The following PEX13 variants were observed in gnomAD, a reference collection of about 807,000 sequenced individuals.
PEX13 encodes peroxisome biogenesis factor 13.
Under a neutral mutation model 34.5 loss-of-function variants are expected in PEX13, and 28 were observed. That is an observed-to-expected ratio of 0.81 (90% CI 0.60 to 1.11). PEX13 has a LOEUF of 1.11. Among genes scored for constraint, PEX13 ranks in the 50% most tolerant of loss-of-function variants. The pLI is 0.00. For missense variants in PEX13, 550 were observed against 491.0 expected (o/e 1.12, Z -1.13); for synonymous variants, 177 against 175.1 (o/e 1.01, Z -0.09).
At chr2:61,017,911 G>A (rs529814036) in intron 1 of PEX13, 60 bp downstream of exon 1, 32 of 1,502,952 alleles carry the variant, frequency 2.1e-5, no homozygotes, top group Non-Finnish European at 2.9e-5. Context: ...CTTGGCAGGA[G>A]GCGGTTGTAG....
intron 2 of PEX13, among the ~76,000 whole-genome samples, chr2:61,042,192 T>G (rs1680636149): frequency 1.3e-5 from 2 of 152,240 alleles, no homozygotes; most frequent in African/African-American, 4.8e-5. Context: ...AAAGTTGTAT[T>G]GGAGCACAGC....
chr2:61,029,633 A>T (rs1342485254), intron 1 of PEX13, among the ~76,000 whole-genome samples: 7 of 152,156 alleles, frequency 4.6e-5, no homozygotes, highest in Admixed American at 3.9e-4. Flanking sequence ...CATCTGATCA[A>T]CCAACTGTGG....
In PEX13 at chr2:61,031,848, C is replaced by G; in HGVS notation, c.522C>G (p.His174Gln). 1.2e-6 allele frequency: 2 copies of G among 1,612,992 alleles called. No individual in the cohort carries two copies. The highest frequency in any genetic ancestry group is 1.7e-6 in the Non-Finnish European group (2 of 1,178,924). ...VANHFSRLKIHFTKVFSAFAL... is the reference protein window; with the variant it reads ...VANHFSRLKIQFTKVFSAFAL... ...ATCACTTTTCCCGATTGAAAATACA[C>G]TTTACAAAAGTGTTTTCAGCTTTTG... The change falls in exon 2 of 4, where the codon CAC (histidine) becomes CAG (glutamine). Residue 174 changes from histidine (H) to glutamine (Q), a missense_variant. By Grantham distance (24) the His-to-Gln change is conservative. Transcript: ENST00000295030.
At chr2:61,032,206 T>A in intron 2 of PEX13, 93 bp downstream of exon 2, 1 of 924,202 alleles carries the variant, frequency 1.1e-6, no homozygotes, top group Non-Finnish European at 1.7e-6. Context: ...TTGATTTGTA[T>A]TTACTGTTTC....
At chr2:61,037,018 A>G (rs1680547417) in intron 2 of PEX13, among the ~76,000 whole-genome samples, 1 of 152,218 alleles carries the variant, frequency 6.6e-6, no homozygotes, top group Admixed American at 6.5e-5. Flanking sequence ...ACAAAGATCA[A>G]AAGAGACAAG....
intron 1 of PEX13, among the ~76,000 whole-genome samples, chr2:61,022,368 A>C (rs569922962): frequency 6.6e-6 from 1 of 152,352 alleles, no homozygotes; most frequent in African/African-American, 2.4e-5. Context: ...ATGGCACAAG[A>C]ACTTCGTGAT....
rs550197371 is a variant in PEX13 at position 61,045,904 on chromosome 2, T to C, written c.913+53T>C. The C allele has an allele frequency of 4.7e-5, 67 of 1,421,688 alleles. No homozygotes were observed. The African/African-American group carries it at 9.1e-4, about 19-fold the overall frequency. 88.1% of individuals were successfully genotyped at this position (1,421,688 alleles called of 1,614,324 possible). On this transcript the variant is annotated intron_variant, in intron 3 of 3. Coordinates refer to ENST00000295030, the MANE Select transcript of PEX13 (RefSeq NM_002618.4). ...ATCTGTAAATTTTGATATTCATAAA[T>C]GCAGTATTAAAAACTACAACAAAGG...
intron 1 of PEX13, among the ~76,000 whole-genome samples, chr2:61,028,718 G>C (rs977733841): frequency 6.6e-6 from 1 of 152,004 alleles, no homozygotes; most frequent in Non-Finnish European, 1.5e-5. Flanking sequence ...AAAAAACTGG[G>C]TTGACTCTTT....
At chr2:61,026,133 C>T (rs539969840) in intron 1 of PEX13, among the ~76,000 whole-genome samples, 2 of 151,950 alleles carry the variant, frequency 1.3e-5, no homozygotes, top group Non-Finnish European at 2.9e-5. Flanking sequence ...TTCGGTGCCT[C>T]GTTCTCTAAT....
intron 3 of PEX13, 140 bp from the exon 4 acceptor site, chr2:61,048,330 ATT>A (rs1392414636): frequency 1.4e-6 from 1 of 703,340 alleles, no homozygotes; most frequent in Admixed American, 2.2e-5. Context: ...TCAGCATTTG[ATT>A]TTGAATATAT....
chr2:61,017,946 TC>T (rs779404424), intron 1 of PEX13, 95 bp downstream of exon 1: 2 of 1,390,318 alleles, frequency 1.4e-6, no homozygotes, highest in South Asian at 1.3e-5. Flanking sequence ...GGTATTCCCT[TC>T]CCCCCTTTAA....
chr2:61,031,625 A>C lies in PEX13; in HGVS notation c.299A>C (p.Tyr100Ser). ...GGCTATAGTCCTTATAGTTATGGAT[A>C]TAATGGGCTGGGCTACAACCGCCTC... The part of the protein sequence containing the change: ...YGGYSPYSYG[Y>S]NGLGYNRLRV... The change falls in exon 2 of 4, where the codon TAT (tyrosine) becomes TCT (serine). Residue 100 changes from tyrosine to serine, a missense_variant. Physicochemically the swap from Tyr to Ser is moderately radical, Grantham distance 144. Transcript: ENST00000295030. The C allele has an allele frequency of 6.2e-7, 1 of 1,614,178 alleles. No homozygotes were observed.
At chr2:61,042,354 A>G (rs183369512) in intron 2 of PEX13, among the ~76,000 whole-genome samples, 102 of 152,336 alleles carry the variant, frequency 6.7e-4, no homozygotes, top group African/African-American at 2.4e-3. Context: ...ACTTGATAGC[A>G]TGATGAGTAA....
In PEX13 at chr2:61,017,812, C is replaced by T. The variant is rs2104787557; in HGVS notation, c.53C>T (p.Pro18Leu). 7 of 1,550,550 alleles carry T rather than the reference C, an allele frequency of 4.5e-6. No homozygotes were observed. Among genetic ancestry groups the T allele is most frequent in the Non-Finnish European group, 6.1e-6 (7 of 1,146,840 alleles). The change falls in exon 1 of 4, where the codon CCG (proline) becomes CTG (leucine). Residue 18 changes from proline to leucine, a missense_variant. Coordinates refer to ENST00000295030, the MANE Select transcript of PEX13 (RefSeq NM_002618.4). ...AAACCCTGGGAGACCCGCCGAATTC[C>T]GGGAGCCGGACCGGGACCAGGACCG... ...PPKPWETRRI[P>L]GAGPGPGPGP...
rs7602846 is a variant in PEX13 at position 61,017,951 on chromosome 2, C to G, written c.92+100C>G. 2.4e-3 allele frequency: 3,333 copies of G among 1,378,456 alleles called. 40 individuals are homozygous for G. The African/African-American group carries it at 0.032, about 13-fold the overall frequency. 85.4% of individuals were successfully genotyped at this position (1,378,456 alleles called of 1,614,324 possible). A position where few individuals can be genotyped will look rare whatever the true frequency, so the allele number is the denominator to read the frequency against. Reference sequence around the variant, plus strand: ...TGTTAGTGGAGGTATTCCCTTCCCCCCTTTAACCAATACCCAACCTTGGGG... The same window carrying G: ...TGTTAGTGGAGGTATTCCCTTCCCCGCTTTAACCAATACCCAACCTTGGGG... On this transcript the variant is annotated intron_variant, in intron 1 of 3. Transcript: ENST00000295030.
At chr2:61,035,495 T>A (rs759450888) in intron 2 of PEX13, among the ~76,000 whole-genome samples, 4 of 152,168 alleles carry the variant, frequency 2.6e-5, no homozygotes, top group Non-Finnish European at 5.9e-5. Context: ...AGAAGTAGGC[T>A]TCCAAAGGTT....
At chr2:61,038,945 A>G (rs2104808317) in intron 2 of PEX13, among the ~76,000 whole-genome samples, 1 of 152,316 alleles carries the variant, frequency 6.6e-6, no homozygotes, top group South Asian at 2.1e-4. Flanking sequence ...AATCACAAGC[A>G]TTCCTATACA....
At position 61,049,094 on chromosome 2, in the gene PEX13, T is replaced by C; in HGVS notation, c.*324T>C. 3.3e-6 allele frequency: 1 copy of C among 307,220 alleles called. No individual in the cohort carries two copies. Among genetic ancestry groups the C allele is most frequent in the Non-Finnish European group, 6.1e-6 (1 of 162,956 alleles). The allele number at this position is 307,220 out of a possible 1,614,324, so 19.0% of individuals were successfully genotyped here. A position where few individuals can be genotyped will look rare whatever the true frequency, so the allele number is the denominator to read the frequency against. ...ATGAACTATAGCATGCACAGTTTGG[T>C]ACAGTAGAGATCATTAATACTTTTA... On this transcript the variant is annotated 3_prime_UTR_variant, in exon 4 of 4. Coordinates refer to ENST00000295030, the MANE Select transcript of PEX13 (RefSeq NM_002618.4).
At chr2:61,034,668 C>T (rs1680506338) in intron 2 of PEX13, among the ~76,000 whole-genome samples, 1 of 152,260 alleles carries the variant, frequency 6.6e-6, no homozygotes, top group Non-Finnish European at 1.5e-5. Context: ...CTGTGCCTGG[C>T]TCGGCAGGTC....
Sources: allele counts gnomAD v4.1 joint callset (sites outside exome capture counted in the v4.1 genomes callset), GRCh38; gene constraint gnomAD v4.1.1; transcripts MANE v1.5; gene names NCBI Gene and HGNC (gene_info 2026-07-23, HGNC 2026-07-21).